The following PLOD2 variants were observed in gnomAD, a reference collection of about 807,000 sequenced individuals.
The protein encoded by PLOD2 is lysine hydroxylase 2.
Under a neutral mutation model 101.0 loss-of-function variants are expected in PLOD2, and 65 were observed. The ratio of observed to expected loss-of-function variants is 0.64; its 90% CI spans 0.53 to 0.79. PLOD2 has a LOEUF of 0.79. PLOD2 is among the 30% of genes least tolerant of loss of function. PLOD2 has a pLI of 0.00. For synonymous variants in PLOD2, 314 were observed against 302.9 expected (o/e 1.04, Z -0.38); for missense variants, 909 against 914.6 (o/e 0.99, Z 0.08).
At chr3:146,127,752 T>C (rs1367073856) in intron 1 of PLOD2, among the ~76,000 whole-genome samples, 2 of 152,042 alleles carry the variant, frequency 1.3e-5, no homozygotes, top group Non-Finnish European at 2.9e-5. Context: ...CCAAGAAATA[T>C]ATGAACAAAT....
rs541173830 is a variant in PLOD2 at position 146,070,515 on chromosome 3, C to T, written c.*202G>A. 2.8e-5 allele frequency: 11 copies of T among 398,154 alleles called. No homozygotes were observed. In the South Asian group the frequency reaches 8.7e-4, roughly 32 times the overall value. 24.7% of individuals were successfully genotyped at this position (398,154 alleles called of 1,614,324 possible). A position where few individuals can be genotyped will look rare whatever the true frequency, so the allele number is the denominator to read the frequency against. ...TTTTTTCTTTCTTTTCTTCTTCAAT[C>T]TGTGTTTTAAGGCTCAGAGCAGACA... On this transcript the variant is annotated 3_prime_UTR_variant, in exon 20 of 20. Transcript: ENST00000282903.
chr3:146,087,490 C>T (rs1445026933), intron 9 of PLOD2, among the ~76,000 whole-genome samples: 1 of 151,792 alleles, frequency 6.6e-6, no homozygotes, highest in Non-Finnish European at 1.5e-5. Context: ...AAACCATCAA[C>T]ATAAAGGTTA....
At chr3:146,077,760 A>C (rs2108003564) in intron 14 of PLOD2, 102 bp downstream of exon 14, 1 of 676,330 alleles carries the variant, frequency 1.5e-6, no homozygotes. Context: ...CATTTTACCA[A>C]GCTAAATGCA....
At chr3:146,074,273 A>T (rs190954257) in intron 15 of PLOD2, among the ~76,000 whole-genome samples, 5 of 151,718 alleles carry the variant, frequency 3.3e-5, no homozygotes, top group Non-Finnish European at 5.9e-5. Flanking sequence ...GAATATTTCT[A>T]GAAATTATTA....
rs768670233 is a variant in PLOD2, at chr3:146,102,768, T to A, written c.764A>T (p.Asn255Ile). The change falls in exon 7 of 20, where the codon AAT becomes ATT. Residue 255 changes from asparagine to isoleucine, a missense_variant. By Grantham distance (149) the Asn-to-Ile change is moderately radical (BLOSUM62 -3). Transcript: ENST00000282903. ...YETLPVAING[N>I]GPTKILLNYF... Reference sequence around the variant, plus strand: ...ACTGTTACTTACCTTGGTGGGTCCATTTCCATTAATTGCCACTGGTAATGT... The same window carrying A: ...ACTGTTACTTACCTTGGTGGGTCCAATTCCATTAATTGCCACTGGTAATGT... The A allele has an allele frequency of 1.3e-5, 20 of 1,575,086 alleles. No individual in the cohort carries two copies. The highest frequency in any genetic ancestry group is 3.3e-5 in the Admixed American group (2 of 59,944).
At chr3:146,085,119 T>A (rs936482733) in intron 11 of PLOD2, 50 bp downstream of exon 11, 2 of 879,282 alleles carry the variant, frequency 2.3e-6, no homozygotes, top group Non-Finnish European at 3.8e-6. Context: ...CACATCAATA[T>A]GAAAAATAAT....
intron 1 of PLOD2, among the ~76,000 whole-genome samples, chr3:146,150,695 A>C (rs2032013768): frequency 6.6e-6 from 1 of 151,898 alleles, no homozygotes; most frequent in Non-Finnish European, 1.5e-5. Flanking sequence ...CACCTGTGTA[A>C]CAAACCGTCA....
At chr3:146,100,086 G>A (rs1034705451) in intron 7 of PLOD2, among the ~76,000 whole-genome samples, 1 of 151,816 alleles carries the variant, frequency 6.6e-6, no homozygotes, top group African/African-American at 2.4e-5. Context: ...TCACCATGTT[G>A]GTCAGGCTGG....
Position 146,070,637 on chromosome 3 carries a change from T to A in PLOD2, c.*80A>T. On this transcript the variant is annotated 3_prime_UTR_variant, in exon 20 of 20. Transcript: ENST00000282903. Reference sequence around the variant, plus strand: ...ATGTTATTTAAATATTCCTCTCATCTTCTCAGCCACAACTTCAAAGACGTG... The same window carrying A: ...ATGTTATTTAAATATTCCTCTCATCATCTCAGCCACAACTTCAAAGACGTG... 10 of 919,478 alleles carry A rather than the reference T, an allele frequency of 1.1e-5. No individual in the cohort carries two copies. The South Asian group carries it at 1.5e-4, about 14-fold the overall frequency. The allele number at this position is 919,478 out of a possible 1,614,324, so 57.0% of individuals were successfully genotyped here.
chr3:146,089,250 T>A (rs1267551227), intron 8 of PLOD2, among the ~76,000 whole-genome samples: 3 of 151,456 alleles, frequency 2.0e-5, no homozygotes, highest in Non-Finnish European at 4.4e-5. Flanking sequence ...TAATATATCT[T>A]ATCTTAATGT....
At chr3:146,157,094 C>T in intron 1 of PLOD2, among the ~76,000 whole-genome samples, 1 of 152,184 alleles carries the variant, frequency 6.6e-6, no homozygotes, top group East Asian at 1.9e-4. Context: ...CATATGGGTT[C>T]CCAAGCAGAG....
intron 14 of PLOD2, chr3:146,077,652 T>C (rs1936392485): frequency 2.2e-6 from 1 of 461,328 alleles, no homozygotes; most frequent in African/African-American, 2.0e-5. Flanking sequence ...AGCCATAAAA[T>C]ATAAATCAGC....
chr3:146,129,937 CCT>C lies in PLOD2; in HGVS notation c.110-5710_110-5709del, dbSNP rs948118107. Among the ~76,000 whole-genome samples the C allele has an allele frequency of 9.9e-5, 15 of 152,146 alleles. 1 individual carries two copies. Among genetic ancestry groups the C allele is most frequent in the Non-Finnish European group, 1.5e-5 (1 of 68,010 alleles). On this transcript the variant is annotated intron_variant, in intron 1 of 19. Transcript: ENST00000282903. ...TTAGGCCAACTTTGTACACTCTAAA[CCT>C]CTGTTTACAAAGCAGCTAGAGTGAT...
At chr3:146,111,840 T>C (rs1351841106) in intron 3 of PLOD2, among the ~76,000 whole-genome samples, 1 of 127,752 alleles carries the variant, frequency 7.8e-6, no homozygotes, top group Non-Finnish European at 1.8e-5. Context: ...TATAAGTTGT[T>C]GATAATTTTT....
In PLOD2 at chr3:146,085,175, T is replaced by C. The variant is rs1936713057; in HGVS notation, c.1226A>G (p.Gln409Arg). The C allele has an allele frequency of 7.0e-7, 1 of 1,438,052 alleles. No homozygotes were observed. Among genetic ancestry groups the C allele is most frequent in the Non-Finnish European group, 9.8e-7 (1 of 1,020,700 alleles). The allele number at this position is 1,438,052 out of a possible 1,614,324, so 89.1% of individuals were successfully genotyped here. A position where few individuals can be genotyped will look rare whatever the true frequency, so the allele number is the denominator to read the frequency against. ...ATCGAATTTTAGAAAGTACCTGTTTTGTTCAATCAAAATTTTTAAAGTCCT... is the reference window on the plus strand; with the variant it reads ...ATCGAATTTTAGAAAGTACCTGTTTCGTTCAATCAAAATTTTTAAAGTCCT... ...NPRTLKILIEQNRKIIAPLVT... is the reference protein window; with the variant it reads ...NPRTLKILIERNRKIIAPLVT... Residue 409 changes from glutamine to arginine, a missense_variant, in exon 11 of 20, where the codon CAA becomes CGA. By Grantham distance (43) the Gln-to-Arg change is conservative. Coordinates refer to ENST00000282903, the MANE Select transcript of PLOD2 (RefSeq NM_182943.3).
At chr3:146,077,501 AT>A (rs776553084) in intron 14 of PLOD2, 7 of 184,560 alleles carry the variant, frequency 3.8e-5, no homozygotes, top group Non-Finnish European at 6.7e-5. Flanking sequence ...TTAGTGATTA[AT>A]AACTCAATAA....
chr3:146,138,160 T>C (rs1284401523), intron 1 of PLOD2, among the ~76,000 whole-genome samples: 2 of 152,198 alleles, frequency 1.3e-5, no homozygotes, highest in East Asian at 3.9e-4. Context: ...ATGGGAAAGA[T>C]GATACCACAT....
chr3:146,110,861 T>G (rs1427152052), intron 3 of PLOD2, among the ~76,000 whole-genome samples: 1 of 152,188 alleles, frequency 6.6e-6, no homozygotes, highest in Non-Finnish European at 1.5e-5. Context: ...AGTCCATTAG[T>G]TTCTGAAGAA....
rs937990206 is a variant in PLOD2, at chr3:146,102,848, T to C, written c.684A>G (p.Glu228=). The C allele has an allele frequency of 1.3e-6, 2 of 1,529,600 alleles. No individual in the cohort carries two copies. The highest frequency in any genetic ancestry group is 1.4e-5 in the African/African-American group (1 of 73,376). 94.8% of individuals were successfully genotyped at this position (1,529,600 alleles called of 1,614,324 possible). A position where few individuals can be genotyped will look rare whatever the true frequency, so the allele number is the denominator to read the frequency against. ...TGCCATTTTCAAATTTTAAAACAAC[T>C]TCATCTGGGTTAAAAAGAGAAAATA... ...IFQTLNGAVD[E]VVLKFENGKA... The change falls in exon 7 of 20, where the codon GAA becomes GAG. Residue 228 remains glutamate, a synonymous_variant. Transcript: ENST00000282903.
Sources: allele counts gnomAD v4.1 joint callset (sites outside exome capture counted in the v4.1 genomes callset), GRCh38; gene constraint gnomAD v4.1.1; transcripts MANE v1.5; gene names NCBI Gene and HGNC (gene_info 2026-07-23, HGNC 2026-07-21).